SCHIP1: variants seen among roughly 807,000 people sequenced by gnomAD.
The protein encoded by SCHIP1 is schwannomin interacting protein 1.
SCHIP1 carries 8 observed loss-of-function variants against 29.7 expected under a neutral mutation model. That is an observed-to-expected ratio of 0.27 (90% confidence interval 0.16 to 0.49). The LOEUF is 0.49. SCHIP1 is among the 20% of genes least tolerant of loss of function. SCHIP1 has a pLI of 0.99. For missense variants in SCHIP1, 193 were observed against 294.6 expected (o/e 0.66, Z 2.52); for synonymous variants, 76 against 94.9 (o/e 0.80, Z 1.16).
the SCHIP1 span, among the ~76,000 whole-genome samples, chr3:159,605,605 CAT>C: frequency 6.6e-6 from 1 of 152,056 alleles, no homozygotes; most frequent in Admixed American, 6.6e-5. Flanking sequence ...AAAATTTTGA[CAT>C]GTCAGTATAT....
chr3:159,274,845 A>T, the SCHIP1 span: 19 of 583,280 alleles, frequency 3.3e-5, no homozygotes, highest in African/African-American at 4.1e-5. Context: ...CTAATAAAAT[A>T]TATTTTTATA....
At chr3:159,821,417 G>A in the SCHIP1 span, among the ~76,000 whole-genome samples, 1 of 152,204 alleles carries the variant, frequency 6.6e-6, no homozygotes, top group African/African-American at 2.4e-5. Context: ...ACCAGTTAGT[G>A]TGATCATACA....
the SCHIP1 span, among the ~76,000 whole-genome samples, chr3:159,650,576 T>TC: frequency 3.3e-5 from 5 of 151,990 alleles, no homozygotes; most frequent in East Asian, 1.9e-4. Context: ...CTTTGAACAC[T>TC]CCCCCCATGA....
At chr3:159,677,340 T>G in the SCHIP1 span, among the ~76,000 whole-genome samples, 2 of 152,036 alleles carry the variant, frequency 1.3e-5, no homozygotes, top group Non-Finnish European at 2.9e-5. Context: ...TGATGTTGAG[T>G]ATGAATGGAA....
the SCHIP1 span, among the ~76,000 whole-genome samples, chr3:159,438,429 AAC>A: frequency 3.3e-5 from 5 of 152,108 alleles, no homozygotes; most frequent in Admixed American, 2.0e-4. Context: ...CCCTGCAAAG[AAC>A]ACACAGACCG....
chr3:159,792,103 G>T, the SCHIP1 span, among the ~76,000 whole-genome samples: 3 of 152,100 alleles, frequency 2.0e-5, no homozygotes, highest in African/African-American at 7.2e-5. Context: ...AATTCCATGG[G>T]CATCTCTTTT....
chr3:159,356,613 A>G, the SCHIP1 span, among the ~76,000 whole-genome samples: 1 of 152,220 alleles, frequency 6.6e-6, no homozygotes, highest in African/African-American at 2.4e-5. Flanking sequence ...TAATTAACTA[A>G]TTAGACATTT....
the SCHIP1 span, among the ~76,000 whole-genome samples, chr3:159,672,799 T>C: frequency 1.3e-5 from 2 of 152,178 alleles, no homozygotes; most frequent in East Asian, 3.8e-4. Context: ...GGAGAAGAAA[T>C]AGCATCCTAC....
chr3:159,305,956 T>C, the SCHIP1 span, among the ~76,000 whole-genome samples: 1 of 152,226 alleles, frequency 6.6e-6, no homozygotes, highest in Non-Finnish European at 1.5e-5. Context: ...ACTTAAGTTC[T>C]ACTTCAACCT....
At chr3:159,528,418 G>A in the SCHIP1 span, among the ~76,000 whole-genome samples, 3 of 152,126 alleles carry the variant, frequency 2.0e-5, no homozygotes, top group South Asian at 2.1e-4. Context: ...CCTTCCCTTC[G>A]TGAAGGAAAA....
At chr3:159,578,088 G>A in the SCHIP1 span, among the ~76,000 whole-genome samples, 4 of 152,146 alleles carry the variant, frequency 2.6e-5, no homozygotes, top group South Asian at 8.3e-4. Flanking sequence ...AGGGAGTGCT[G>A]CAACCTTAAC....
chr3:159,325,573 A>G, the SCHIP1 span, among the ~76,000 whole-genome samples: 107 of 152,254 alleles, frequency 7.0e-4, no homozygotes, highest in African/African-American at 2.5e-3. Context: ...AAGCCTCTCT[A>G]TCATCTCCAT....
the SCHIP1 span, among the ~76,000 whole-genome samples, chr3:159,813,619 T>A: frequency 6.6e-6 from 1 of 151,800 alleles, no homozygotes; most frequent in East Asian, 1.9e-4. Context: ...GGCCAGGAGT[T>A]CGAGGCTGCA....
chr3:159,484,115 A>G, the SCHIP1 span, among the ~76,000 whole-genome samples: 1,566 of 152,298 alleles, frequency 0.01, 28 homozygotes, highest in Admixed American at 0.045. Context: ...GAGACACCAC[A>G]TGGGAACAGG....
the SCHIP1 span, among the ~76,000 whole-genome samples, chr3:159,643,484 C>T: frequency 6.6e-6 from 1 of 152,022 alleles, no homozygotes; most frequent in Non-Finnish European, 1.5e-5. Flanking sequence ...TCACATGGCA[C>T]AATCAGAACA....
chr3:159,780,591 G>A, the SCHIP1 span, among the ~76,000 whole-genome samples: 1 of 152,208 alleles, frequency 6.6e-6, no homozygotes, highest in African/African-American at 2.4e-5. Flanking sequence ...CCAAGTGAAA[G>A]AGATGTTCAA....
At chr3:159,278,999 C>T in the SCHIP1 span, among the ~76,000 whole-genome samples, 8 of 152,192 alleles carry the variant, frequency 5.3e-5, no homozygotes, top group Non-Finnish European at 1.0e-4. Context: ...GGAAAAAGGG[C>T]ACATGTGGGA....
the SCHIP1 span, among the ~76,000 whole-genome samples, chr3:159,544,588 T>C: frequency 6.6e-6 from 1 of 152,124 alleles, no homozygotes; most frequent in Non-Finnish European, 1.5e-5. Flanking sequence ...CCATTTATTT[T>C]CCCTGAAGAC....
At chr3:159,764,741 A>T in the SCHIP1 span, 2 of 1,572,942 alleles carry the variant, frequency 1.3e-6, no homozygotes, top group Non-Finnish European at 1.7e-6. This position sits in a 1 kb window ranked among gnomAD's most constrained non-coding sequence, Gnocchi z 6.1. Context: ...CCGGCCCGGG[A>T]ACCGGGGGAC....
Sources: gnomAD v4.1 joint callset for allele counts (sites outside exome capture counted in the v4.1 genomes callset) on GRCh38, gnomAD v4.1.1 for gene constraint, Gnocchi (gnomAD v3.1) non-coding constraint, MANE v1.5 for transcripts, NCBI Gene and HGNC (gene_info 2026-07-23, HGNC 2026-07-21) for gene names.